Variants in DNAH12 observed in about 807,000 individuals in gnomAD.
DNAH12 encodes the protein axonemal beta dynein heavy chain 12.
DNAH12 carries 285 observed loss-of-function variants against 371.5 expected under a neutral mutation model. The ratio of observed to expected loss-of-function variants is 0.77; its 90% CI spans 0.70 to 0.85. The LOEUF is 0.85. Ranked by LOEUF, DNAH12 falls within the 40% of genes least tolerant of loss-of-function variation. DNAH12 has a pLI of 0.00. For synonymous variants in DNAH12, 1,200 were observed against 1,213.0 expected, an observed-to-expected ratio of 0.99 and a Z score of 0.22; for missense variants, 3,611 against 3,689.4, an observed-to-expected ratio of 0.98 and a Z score of 0.55.
chr3:57,497,493 T>C (rs1053943711), intron 11 of DNAH12, among the ~76,000 whole-genome samples: 5 of 152,214 alleles, frequency 3.3e-5, no homozygotes, highest in Non-Finnish European at 5.9e-5. Context: ...GAGTACAAGA[T>C]AGTATTTTTG....
chr3:57,392,695 T>C (rs2063650819), intron 44 of DNAH12, among the ~76,000 whole-genome samples: 1 of 152,166 alleles, frequency 6.6e-6, no homozygotes, highest in African/African-American at 2.4e-5. Context: ...TGCGACAGTA[T>C]ATAGAATATG....
rs1363157501 is a variant in DNAH12, at chr3:57,544,279, AG to A, written c.-117del. ...CAGAGCCTCTCCTCAGGTGAAAGGC[AG>A]GGGGATAACGAGGGAGAAACCTCCG... On this transcript the variant is annotated 5_prime_UTR_variant, in exon 1 of 74. Transcript: ENST00000495027. The A allele has an allele frequency of 6.6e-6, 1 of 152,228 alleles. No individual in the cohort carries two copies. The highest frequency in any genetic ancestry group is 1.5e-5 in the Non-Finnish European group (1 of 68,052). The allele number at this position is 152,228 out of a possible 1,614,324, so 9.4% of individuals were successfully genotyped here.
intron 23 of DNAH12, among the ~76,000 whole-genome samples, chr3:57,453,700 A>T (rs1366432075): frequency 1.3e-5 from 2 of 151,814 alleles, no homozygotes; most frequent in Non-Finnish European, 2.9e-5. Flanking sequence ...TGGCCTCCTG[A>T]GTAGCTGGGA....
Position 57,523,825 on chromosome 3 carries a change from G to T in DNAH12, c.230C>A (p.Pro77Gln). The T allele has an allele frequency of 1.9e-6, 3 of 1,604,198 alleles. No homozygotes were observed. In the South Asian group the frequency reaches 3.4e-5, roughly 18 times the overall value. ...TACAGTTTGAGGATAATCAGGTGGT[G>T]GTAATAGAGGTGTTCTTTTACCCAG... ...RTLGKRTPLLPPPDYPQTMTS... is the reference protein window; with the variant it reads ...RTLGKRTPLLQPPDYPQTMTS... The change falls in exon 3 of 74, where the codon CCA (proline) becomes CAA (glutamine). Residue 77 changes from proline (P) to glutamine (Q), a missense_variant. This residue lies in a region of DNAH12 where 1,314 missense variants were observed against 1,398.7 expected (regional missense o/e 0.94). Coordinates refer to ENST00000495027, the MANE Select transcript of DNAH12 (RefSeq NM_001366028.2).
At chr3:57,417,716 C>T (rs1048441330) in intron 37 of DNAH12, among the ~76,000 whole-genome samples, 6 of 152,144 alleles carry the variant, frequency 3.9e-5, no homozygotes, top group African/African-American at 1.2e-4. Flanking sequence ...ATCACTCATG[C>T]CCATTCCTTC....
At chr3:57,444,947 C>T (rs2065434835) in intron 28 of DNAH12, 131 bp from the exon 29 acceptor site, 1 of 1,079,894 alleles carries the variant, frequency 9.3e-7, no homozygotes, top group Non-Finnish European at 1.2e-6. Context: ...TTTTACATTG[C>T]TCTCTGGAAT....
rs1553660590 is a variant in DNAH12, at chr3:57,352,156, A to G, written c.9603T>C (p.Cys3201=). Residue 3201 remains cysteine (C), a synonymous_variant, in exon 60 of 74, where the codon TGT becomes TGC. Transcript: ENST00000495027. The stretch of plus-strand genomic sequence containing the variant: ...TCTCAAATAGTGATCGGCATATATT[A>G]CAATATAAGTTGTATGTGAAGTGGT... The part of the protein sequence containing the change: ...LNDHFTYNLY[C]NICRSLFEKD... 1.3e-6 allele frequency: 2 copies of G among 1,544,918 alleles called. No homozygotes were observed. The highest frequency in any genetic ancestry group is 2.5e-5 in the East Asian group (1 of 40,660).
intron 70 of DNAH12, among the ~76,000 whole-genome samples, chr3:57,301,119 A>G (rs1457301983): frequency 1.3e-5 from 2 of 151,966 alleles, no homozygotes; most frequent in Non-Finnish European, 2.9e-5. Flanking sequence ...GTGAGACTCC[A>G]TCTCTACAAA....
intron 59 of DNAH12, among the ~76,000 whole-genome samples, chr3:57,356,891 C>T (rs1400304599): frequency 9.2e-5 from 14 of 151,792 alleles, no homozygotes; most frequent in Admixed American, 4.6e-4. Flanking sequence ...TACAGGTGCC[C>T]GCCACCACGC....
intron 58 of DNAH12, among the ~76,000 whole-genome samples, chr3:57,360,486 C>A (rs894719624): frequency 1.3e-5 from 2 of 152,014 alleles, no homozygotes; most frequent in African/African-American, 2.4e-5. Flanking sequence ...GTTGGGAGTT[C>A]GAGACCAGCC....
At chr3:57,381,652 G>A (rs973361992) in intron 50 of DNAH12, among the ~76,000 whole-genome samples, 1 of 151,962 alleles carries the variant, frequency 6.6e-6, no homozygotes, top group Non-Finnish European at 1.5e-5. Flanking sequence ...AGGTCACACT[G>A]CTAGTGGGGT....
chr3:57,428,859 A>C (rs17793219), intron 33 of DNAH12, 38 bp from the exon 34 acceptor site: 3 of 1,481,350 alleles, frequency 2.0e-6, no homozygotes, highest in Non-Finnish European at 2.7e-6. Flanking sequence ...TGTTGTTTTT[A>C]TACCAGTGGC....
At chr3:57,545,324 C>CTT (rs745384362), upstream of DNAH12, among the ~76,000 whole-genome samples, 3 of 134,242 alleles carry the variant, frequency 2.2e-5, no homozygotes, top group African/African-American at 5.5e-5. Flanking sequence ...TTTTTCTTTT[C>CTT]TTTTTTTTTT....
chr3:57,457,846 C>A lies in DNAH12; in HGVS notation c.3211G>T (p.Glu1071Ter). The A allele has an allele frequency of 1.3e-6, 2 of 1,551,566 alleles. No individual in the cohort carries two copies. The highest frequency in any genetic ancestry group is 1.7e-6 in the Non-Finnish European group (2 of 1,146,968). The change falls in exon 22 of 74, where the codon GAG becomes TAG. Residue 1071 changes from glutamate to a stop codon, truncating the protein, a stop_gained. Coordinates refer to ENST00000495027, the MANE Select transcript of DNAH12 (RefSeq NM_001366028.2). LOFTEE classifies it high-confidence loss of function. ...DIKAMYSSEG[E>*]RVELIALIST... ...ATGAGTGCAATCAGCTCCACTCGCT[C>A]GCCCTCAGAGCTATACATGGCTTTA...
At chr3:57,301,025 C>G (rs1327962833) in intron 70 of DNAH12, among the ~76,000 whole-genome samples, 4 of 152,062 alleles carry the variant, frequency 2.6e-5, no homozygotes, top group Non-Finnish European at 4.4e-5. Flanking sequence ...ACCCAAGCCT[C>G]TGGCCTGTAA....
At chr3:57,470,308 A>G in intron 16 of DNAH12, 135 bp downstream of exon 16, 1 of 849,140 alleles carries the variant, frequency 1.2e-6, no homozygotes, top group Non-Finnish European at 1.8e-6. Flanking sequence ...TGTTTCTCCT[A>G]CATGGTACCT....
intron 60 of DNAH12, among the ~76,000 whole-genome samples, chr3:57,339,878 T>C (rs1443266000): frequency 1.3e-5 from 2 of 152,092 alleles, no homozygotes; most frequent in African/African-American, 2.4e-5. Context: ...AAGACCAACC[T>C]GGGCAACATG....
In DNAH12 at chr3:57,408,464, C is replaced by G; in HGVS notation, c.6092G>C (p.Gly2031Ala). The change falls in exon 40 of 74, where the codon GGT becomes GCT. Residue 2031 changes from glycine (G) to alanine (A), a missense_variant. Gly to Ala is a moderately conservative substitution (Grantham distance 60, BLOSUM62 0). This residue lies in a region of DNAH12 where 2,266 missense variants were observed against 2,236.9 expected (regional missense o/e 1.01). Transcript: ENST00000495027. The stretch of plus-strand genomic sequence containing the variant: ...GGGAGTAACTGGATTTCTTCCACCA[C>G]CTGGAGGGCCCATTGCAGCAATCAG... ...IELIAAMGPPGGGRNPVTPRC... is the reference protein window; with the variant it reads ...IELIAAMGPPAGGRNPVTPRC... 6.4e-7 allele frequency: 1 copy of G among 1,551,520 alleles called. No individual in the cohort carries two copies.
At chr3:57,431,134 C>G (rs1012344187) in intron 32 of DNAH12, among the ~76,000 whole-genome samples, 2 of 152,186 alleles carry the variant, frequency 1.3e-5, no homozygotes, top group Admixed American at 1.3e-4. Flanking sequence ...TAACTCTGCA[C>G]AAATTTGAAA....
Sources: allele counts gnomAD v4.1 joint callset (sites outside exome capture counted in the v4.1 genomes callset), GRCh38; gene constraint gnomAD v4.1.1; regional missense constraint gnomAD v4.1.1; transcripts MANE v1.5; gene names NCBI Gene and HGNC (gene_info 2026-07-23, HGNC 2026-07-21).